Variants in GDE1 observed in about 807,000 individuals in gnomAD.
The protein encoded by GDE1 is glycerophosphodiester phosphodiesterase 1.
In GDE1, 24 loss-of-function variants were observed where a neutral mutation model predicts 32.2. That is an observed-to-expected ratio of 0.75 (90% CI 0.54 to 1.05). The LOEUF is 1.05. Among genes scored for constraint, GDE1 ranks in the 50% least tolerant of loss-of-function variants. The pLI is 0.00. For synonymous variants in GDE1, 159 were observed against 158.6 expected, an observed-to-expected ratio of 1.00 and a Z score of -0.02; for missense variants, 380 against 415.0, an observed-to-expected ratio of 0.92 and a Z score of 0.73.
chr16:19,512,826 A>G (rs933726421), intron 2 of GDE1, among the ~76,000 whole-genome samples: 3 of 151,388 alleles, frequency 2.0e-5, no homozygotes, highest in Admixed American at 6.6e-5. Context: ...CCTTTCCCCC[A>G]CTGTAATGTT....
chr16:19,501,703 T>C lies in GDE1; in HGVS notation c.*1767A>G, dbSNP rs1255541667. On this transcript the variant is annotated 3_prime_UTR_variant, in exon 6 of 6. Coordinates refer to ENST00000353258, the MANE Select transcript of GDE1 (RefSeq NM_016641.4). ...CAGTTTAGACATTTGTTGCACTCAA[T>C]GAACAAATCTTTGTTGTTTATTTTA... 11 of 152,234 alleles carry C rather than the reference T, an allele frequency of 7.2e-5. No homozygotes were observed. Among genetic ancestry groups the C allele is most frequent in the Non-Finnish European group, 1.5e-4 (10 of 68,036 alleles). The allele number at this position is 152,234 out of a possible 1,614,324, so 9.4% of individuals were successfully genotyped here.
rs1969472639 is a variant in GDE1 at position 19,522,081 on chromosome 16, G to A, written c.-117C>T. On this transcript the variant is annotated 5_prime_UTR_variant, in exon 1 of 6. Transcript: ENST00000353258. ...CGGCAGCAGCAGGAACCCTCTGAGG[G>A]GACCAGCGCCGCACAATGGCGGCAG... 7 of 1,074,006 alleles carry A rather than the reference G, an allele frequency of 6.5e-6. 1 individual carries two copies. The South Asian group carries it at 1.2e-4, about 18-fold the overall frequency. The allele number at this position is 1,074,006 out of a possible 1,614,324, so 66.5% of individuals were successfully genotyped here. A position where few individuals can be genotyped will look rare whatever the true frequency, so the allele number is the denominator to read the frequency against.
intron 2 of GDE1, among the ~76,000 whole-genome samples, chr16:19,515,089 A>T (rs1201816175): frequency 6.7e-6 from 1 of 149,348 alleles, no homozygotes; most frequent in South Asian, 2.1e-4. Flanking sequence ...AAAAAAGATA[A>T]GGATAATTTA....
chr16:19,515,003 T>A (rs12599214), intron 2 of GDE1, among the ~76,000 whole-genome samples: 67,571 of 147,242 alleles, frequency 0.46, 18,406 homozygotes, highest in South Asian at 0.62. Flanking sequence ...GAGGTGGAGG[T>A]TGCAGTGAGC....
intron 1 of GDE1, 162 bp downstream of exon 1, chr16:19,521,542 G>T (rs921346430): frequency 3.7e-5 from 26 of 709,546 alleles, no homozygotes; most frequent in Non-Finnish European, 5.8e-5. Flanking sequence ...CCTCAAGTCC[G>T]GAGATCCCTA....
chr16:19,521,583 T>C, intron 1 of GDE1, 121 bp downstream of exon 1: 1 of 1,112,712 alleles, frequency 9.0e-7, no homozygotes, highest in Non-Finnish European at 1.3e-6. Context: ...GCCGGGAGTG[T>C]GCCTTGTGGA....
chr16:19,516,443 A>C (rs1234105072), intron 2 of GDE1, among the ~76,000 whole-genome samples: 1 of 152,234 alleles, frequency 6.6e-6, no homozygotes, highest in East Asian at 1.9e-4. Flanking sequence ...TTAAATTAAA[A>C]ATTCACTTCC....
Position 19,503,390 on chromosome 16 carries a change from G to A in GDE1, c.*80C>T. 7.9e-7 allele frequency: 1 copy of A among 1,271,520 alleles called. No individual in the cohort carries two copies. Among genetic ancestry groups the A allele is most frequent in the Non-Finnish European group, 1.1e-6 (1 of 895,818 alleles). 78.8% of individuals were successfully genotyped at this position (1,271,520 alleles called of 1,614,324 possible). ...GAGTCACCTGATTCCCCAGGGCCTG[G>A]GCTAGCACAAAGGGTATTTTGATAT... On this transcript the variant is annotated 3_prime_UTR_variant, in exon 6 of 6. Coordinates refer to ENST00000353258, the MANE Select transcript of GDE1 (RefSeq NM_016641.4).
At chr16:19,515,644 T>G (rs1969371849) in intron 2 of GDE1, among the ~76,000 whole-genome samples, 1 of 152,150 alleles carries the variant, frequency 6.6e-6, no homozygotes, top group Non-Finnish European at 1.5e-5. Context: ...TCAAGAACAA[T>G]TCTAGCAACT....
chr16:19,515,986 G>C, intron 2 of GDE1, among the ~76,000 whole-genome samples: 1 of 152,124 alleles, frequency 6.6e-6, no homozygotes, highest in Admixed American at 6.6e-5. Context: ...GTGGGGAAGA[G>C]GATGTAGGTT....
At chr16:19,510,811 A>G in intron 3 of GDE1, 28 bp downstream of exon 3, 1 of 1,023,348 alleles carries the variant, frequency 9.8e-7, no homozygotes. Flanking sequence ...TCTTTTTAAC[A>G]AAGTGAAGTC....
At chr16:19,508,200 T>C (rs1345819967) in intron 3 of GDE1, among the ~76,000 whole-genome samples, 3 of 152,128 alleles carry the variant, frequency 2.0e-5, no homozygotes, top group South Asian at 2.1e-4. Context: ...CTACAGAGGA[T>C]AGATTTCTCA....
At position 19,503,274 on chromosome 16, in the gene GDE1, T is replaced by C; in HGVS notation, c.*196A>G. The C allele has an allele frequency of 1.7e-6, 1 of 581,744 alleles. No individual in the cohort carries two copies. The highest frequency in any genetic ancestry group is 3.0e-6 in the Non-Finnish European group (1 of 328,726). 36.0% of individuals were successfully genotyped at this position (581,744 alleles called of 1,614,324 possible). ...ACCCAGATTTTCAAGAGCAACAGTG[T>C]TGAACTCTGGCATGCCATGGTGCAT... On this transcript the variant is annotated 3_prime_UTR_variant, in exon 6 of 6. Transcript: ENST00000353258.
At chr16:19,505,371 TTAA>T (rs1397373446) in intron 4 of GDE1, among the ~76,000 whole-genome samples, 1 of 152,180 alleles carries the variant, frequency 6.6e-6, no homozygotes, top group Non-Finnish European at 1.5e-5. Context: ...GGATCAAATT[TTAA>T]TAATGTCATG....
intron 2 of GDE1, among the ~76,000 whole-genome samples, chr16:19,511,189 A>C (rs909376978): frequency 7.3e-5 from 11 of 150,414 alleles, no homozygotes; most frequent in African/African-American, 2.0e-4. Context: ...TGGAACTACC[A>C]ACTCCCAGGT....
At chr16:19,504,529 G>C in intron 5 of GDE1, 1 of 198,714 alleles carries the variant, frequency 5.0e-6, no homozygotes, top group Non-Finnish European at 1.0e-5. Flanking sequence ...CGGTAGTGGG[G>C]AGGCTGGTGC....
At chr16:19,511,032 A>C in intron 2 of GDE1, 88 bp from the exon 3 acceptor site, 1 of 638,412 alleles carries the variant, frequency 1.6e-6, no homozygotes, top group East Asian at 2.8e-5. Context: ...TCTCTCAATC[A>C]AAAGGAAAGA....
Position 19,503,547 on chromosome 16 carries a change from T to C in GDE1, c.919A>G (p.Lys307Glu). 6.2e-7 allele frequency: 1 copy of C among 1,612,172 alleles called. No individual in the cohort carries two copies. Among genetic ancestry groups the C allele is most frequent in the Non-Finnish European group, 8.5e-7 (1 of 1,178,124 alleles). Residue 307 changes from lysine to glutamate, a missense_variant, in exon 6 of 6, where the codon AAG becomes GAG. By Grantham distance (56) the Lys-to-Glu change is moderately conservative (BLOSUM62 1). Coordinates refer to ENST00000353258, the MANE Select transcript of GDE1 (RefSeq NM_016641.4). ...VGWTVNTFDE[K>E]SYYESHLGSS... is the part of the protein sequence containing the mutation. ...CCAAGATGGGATTCGTAGTAACTCTTTTCATCAAAGGTATTAACAGTCCAA... is the reference window on the plus strand; with the variant it reads ...CCAAGATGGGATTCGTAGTAACTCTCTTCATCAAAGGTATTAACAGTCCAA...
intron 1 of GDE1, among the ~76,000 whole-genome samples, chr16:19,518,237 T>A (rs1246934476): frequency 2.6e-5 from 4 of 152,216 alleles, no homozygotes; most frequent in African/African-American, 9.6e-5. Context: ...CATGGTCTAT[T>A]GCAAACATCT....
Sources: gnomAD v4.1 joint callset for allele counts (sites outside exome capture counted in the v4.1 genomes callset) on GRCh38, gnomAD v4.1.1 for gene constraint, MANE v1.5 for transcripts, NCBI Gene and HGNC (gene_info 2026-07-23, HGNC 2026-07-21) for gene names.